Variants in TVP23B observed in about 807,000 individuals in gnomAD.
TVP23B encodes the protein trans-golgi network vesicle protein 23 homolog B, also known as Golgi apparatus membrane protein TVP23 homolog B.
TVP23B carries 10 observed loss-of-function variants against 30.6 expected under a neutral mutation model. That is an observed-to-expected ratio of 0.33 (90% confidence interval 0.20 to 0.55). The LOEUF is 0.55. Among genes scored for constraint, TVP23B ranks in the 20% least tolerant of loss-of-function variants. TVP23B has a pLI of 0.91. For missense variants in TVP23B, 153 were observed against 243.2 expected, an observed-to-expected ratio of 0.63 and a Z score of 2.47; for synonymous variants, 67 against 83.1, an observed-to-expected ratio of 0.81 and a Z score of 1.06.
At position 18,781,220 on chromosome 17, in the gene TVP23B, C is replaced by A. The variant is rs1380068809; in HGVS notation, c.-74C>A. ...CCTGCTGGCCCTTGGTGACGGGTCG[C>A]CTCAGTTCCGACCCGGACCCGTACG... On this transcript the variant is annotated 5_prime_UTR_variant, in exon 1 of 7. Coordinates refer to ENST00000307767, the MANE Select transcript of TVP23B (RefSeq NM_016078.6). The A allele has an allele frequency of 6.5e-7, 1 of 1,548,114 alleles. No homozygotes were observed. Among genetic ancestry groups the A allele is most frequent in the African/African-American group, 1.4e-5 (1 of 73,090 alleles).
chr17:18,804,267 G>C lies in TVP23B; in HGVS notation c.591+1G>C, dbSNP rs1415036160. 7 of 1,601,874 alleles carry C rather than the reference G, an allele frequency of 4.4e-6. No individual in the cohort carries two copies. Among genetic ancestry groups the C allele is most frequent in the Non-Finnish European group, 6.0e-6 (7 of 1,172,916 alleles). ...TTTTGGAAAGCAGTTTTTAAGACAA[G>C]TAAGTGTTTTCTGGATGTGATCAGT... is the stretch of plus-strand genomic sequence containing the variant. On this transcript the variant is annotated splice_donor_variant, in intron 6 of 6. Transcript: ENST00000307767. LOFTEE classifies it high-confidence loss of function.
At chr17:18,788,164 A>T (rs552523731) in intron 1 of TVP23B, among the ~76,000 whole-genome samples, 66 of 151,058 alleles carry the variant, frequency 4.4e-4, no homozygotes, top group African/African-American at 1.5e-3. Context: ...CTGTCTCTAC[A>T]AAAAAAAATA....
At chr17:18,790,843 A>G in intron 2 of TVP23B, 53 bp from the exon 3 acceptor site, 4 of 1,518,074 alleles carry the variant, frequency 2.6e-6, no homozygotes, top group South Asian at 2.4e-5. Flanking sequence ...TACATTTGCT[A>G]GTACCTGTAG....
chr17:18,789,696 A>G, intron 2 of TVP23B: 1 of 413,594 alleles, frequency 2.4e-6, no homozygotes, highest in Non-Finnish European at 4.3e-6. Context: ...CTATTTTCCA[A>G]GAATGTACCA....
At chr17:18,803,707 T>A (rs1376482199) in intron 5 of TVP23B, among the ~76,000 whole-genome samples, 3 of 152,250 alleles carry the variant, frequency 2.0e-5, no homozygotes, top group Non-Finnish European at 4.4e-5. Context: ...CACCCCTACC[T>A]GCTCTCAGTT....
At chr17:18,787,361 C>A (rs1449402838) in intron 1 of TVP23B, among the ~76,000 whole-genome samples, 2 of 145,208 alleles carry the variant, frequency 1.4e-5, no homozygotes, top group African/African-American at 5.2e-5. Flanking sequence ...TGAGACCATA[C>A]CACTGTACTC....
At chr17:18,800,417 C>T (rs1315605742) in intron 5 of TVP23B, among the ~76,000 whole-genome samples, 1 of 152,184 alleles carries the variant, frequency 6.6e-6, no homozygotes, top group African/African-American at 2.4e-5. Context: ...TGCAGCTTCT[C>T]CTTTTACTTA....
At chr17:18,783,228 C>A (rs573464851) in intron 1 of TVP23B, among the ~76,000 whole-genome samples, 4 of 152,190 alleles carry the variant, frequency 2.6e-5, no homozygotes, top group African/African-American at 9.6e-5. Context: ...GCCTCACCCT[C>A]CAGAGTAGCT....
At chr17:18,786,180 AG>A (rs2035903242) in intron 1 of TVP23B, among the ~76,000 whole-genome samples, 1 of 152,226 alleles carries the variant, frequency 6.6e-6, no homozygotes, top group South Asian at 2.1e-4. Flanking sequence ...TCATCTGACC[AG>A]CCTGGGTAAT....
chr17:18,804,181 A>G lies in TVP23B; in HGVS notation c.506A>G (p.Tyr169Cys), dbSNP rs754037210. ...MGVVLQGANL[Y>C]GYIRCKVRSR... ...GTGGTGCTACAAGGTGCCAACCTGT[A>G]TGGTTACATCAGGTGTAAGGTGCGC... The change falls in exon 6 of 7, where the codon TAT (tyrosine) becomes TGT (cysteine). Residue 169 changes from tyrosine (Y) to cysteine (C), a missense_variant. By Grantham distance (194) the Tyr-to-Cys change is radical. Transcript: ENST00000307767. 1 of 1,613,448 alleles carries G rather than the reference A, an allele frequency of 6.2e-7. No individual in the cohort carries two copies. Among genetic ancestry groups the G allele is most frequent in the Non-Finnish European group, 8.5e-7 (1 of 1,179,734 alleles).
intron 1 of TVP23B, 43 bp downstream of exon 1, chr17:18,781,348 A>T: frequency 1.3e-6 from 2 of 1,565,454 alleles, no homozygotes; most frequent in African/African-American, 1.4e-5. Context: ...GGCTCCTGGG[A>T]CTGGCTCTGC....
chr17:18,792,288 A>G (rs2036009593), intron 3 of TVP23B, among the ~76,000 whole-genome samples: 1 of 152,150 alleles, frequency 6.6e-6, no homozygotes, highest in African/African-American at 2.4e-5. Flanking sequence ...TGCCCACCTC[A>G]GCCTCCCAAA....
At chr17:18,788,586 A>C (rs559764829) in intron 1 of TVP23B, among the ~76,000 whole-genome samples, 5 of 151,956 alleles carry the variant, frequency 3.3e-5, no homozygotes, top group Admixed American at 2.6e-4. Flanking sequence ...GTTCAAGACC[A>C]GCCTGGCCAA....
chr17:18,789,466 T>C, intron 2 of TVP23B, 31 bp downstream of exon 2: 1 of 1,613,940 alleles, frequency 6.2e-7, no homozygotes, highest in Non-Finnish European at 8.5e-7. Context: ...TGAGCTGTGT[T>C]AGTGTCCAGT....
chr17:18,789,579 G>A (rs1450046848), intron 2 of TVP23B, 144 bp downstream of exon 2: 6 of 1,040,490 alleles, frequency 5.8e-6, no homozygotes, highest in South Asian at 3.6e-5. Context: ...TTTAGTGTAC[G>A]ACAAAGATGA....
intron 4 of TVP23B, among the ~76,000 whole-genome samples, chr17:18,797,907 A>C (rs1229789599): frequency 6.6e-6 from 1 of 152,114 alleles, no homozygotes; most frequent in African/African-American, 2.4e-5. Flanking sequence ...GAGTTCATAC[A>C]GTGTGCTAAG....
chr17:18,798,015 T>C (rs550395089), intron 4 of TVP23B, among the ~76,000 whole-genome samples: 2 of 151,826 alleles, frequency 1.3e-5, no homozygotes, highest in Non-Finnish European at 2.9e-5. Flanking sequence ...TTTTAACATC[T>C]TGTTCTGTCT....
intron 3 of TVP23B, chr17:18,796,668 C>T (rs1275984489): frequency 6.6e-6 from 1 of 151,988 alleles, no homozygotes; most frequent in African/African-American, 2.4e-5. Context: ...TTAATTTTAC[C>T]TACATTCATA....
intron 6 of TVP23B, among the ~76,000 whole-genome samples, 160 bp from the exon 7 acceptor site, chr17:18,805,381 G>A (rs1183816603): frequency 6.6e-6 from 1 of 152,128 alleles, no homozygotes; most frequent in Admixed American, 6.5e-5. Context: ...ACGGCGCCCA[G>A]CCTAGCATGT....
Sources: allele counts gnomAD v4.1 joint callset (sites outside exome capture counted in the v4.1 genomes callset), GRCh38; gene constraint gnomAD v4.1.1; transcripts MANE v1.5; gene names NCBI Gene and HGNC (gene_info 2026-07-23, HGNC 2026-07-21).